Variants in AP3B1 observed in about 807,000 individuals in gnomAD.
AP3B1 encodes the protein AP-3 complex subunit beta-1.
In AP3B1, 61 loss-of-function variants were observed where a neutral mutation model predicts 132.5. That is an observed-to-expected ratio of 0.46 (90% CI 0.37 to 0.57). The LOEUF (loss-of-function observed/expected upper bound fraction) is 0.57, where lower values mean the gene tolerates loss of function less well. AP3B1 is among the 20% of genes least tolerant of loss of function. The pLI is 0.00. For missense variants in AP3B1, 1,120 were observed against 1,289.4 expected (o/e 0.87, Z 2.01); for synonymous variants, 388 against 438.3 (o/e 0.89, Z 1.43).
intron 26 of AP3B1, among the ~76,000 whole-genome samples, chr5:78,006,190 C>T (rs945672521): frequency 2.0e-5 from 3 of 152,166 alleles, no homozygotes; most frequent in East Asian, 1.9e-4. Flanking sequence ...ATGAGGCAAG[C>T]GAGGCCCAGA....
chr5:78,285,225 G>T (rs926480434), intron 1 of AP3B1, among the ~76,000 whole-genome samples: 48 of 151,230 alleles, frequency 3.2e-4, no homozygotes, highest in African/African-American at 1.0e-3. Context: ...CTCCAGCCTG[G>T]GCGACAGAGC....
At chr5:78,168,219 CT>C (rs535444476) in intron 11 of AP3B1, among the ~76,000 whole-genome samples, 31 of 142,746 alleles carry the variant, frequency 2.2e-4, no homozygotes, top group African/African-American at 8.4e-4. Context: ...CAACTTTTTT[CT>C]TTTTTCTTTT....
intron 14 of AP3B1, among the ~76,000 whole-genome samples, chr5:78,143,052 T>C (rs939435789): frequency 5.9e-5 from 9 of 152,146 alleles, no homozygotes; most frequent in African/African-American, 1.9e-4. Context: ...TAAGAATATA[T>C]GTGCAACTTC....
intron 22 of AP3B1, among the ~76,000 whole-genome samples, chr5:78,069,295 A>C (rs1265887463): frequency 6.6e-6 from 1 of 152,240 alleles, no homozygotes; most frequent in Non-Finnish European, 1.5e-5. Context: ...TCAAATAGGA[A>C]GAGAGGAAGT....
At chr5:78,098,000 G>A (rs1334132097) in intron 21 of AP3B1, among the ~76,000 whole-genome samples, 2 of 152,152 alleles carry the variant, frequency 1.3e-5, no homozygotes, top group East Asian at 3.8e-4. Context: ...TGTGCTCTCT[G>A]AAACATGTGC....
chr5:78,279,672 G>A (rs1455133939), intron 1 of AP3B1, among the ~76,000 whole-genome samples: 1 of 151,652 alleles, frequency 6.6e-6, no homozygotes, highest in Non-Finnish European at 1.5e-5. Flanking sequence ...ACTTTGGGAT[G>A]CGGAGGCAGG....
At chr5:78,172,360 C>T (rs958615767) in intron 11 of AP3B1, among the ~76,000 whole-genome samples, 2 of 152,158 alleles carry the variant, frequency 1.3e-5, no homozygotes, top group East Asian at 3.8e-4. Flanking sequence ...GCAGTGAATC[C>T]GTCTGGTCCT....
chr5:78,060,196 C>T (rs146772140), intron 22 of AP3B1, among the ~76,000 whole-genome samples: 75 of 152,110 alleles, frequency 4.9e-4, no homozygotes, highest in Middle Eastern at 3.4e-3. Context: ...AAAGTTATAC[C>T]GAGTCTCTGA....
In AP3B1 at chr5:78,197,772, A is replaced by G. The variant is rs539516817; in HGVS notation, c.787-16110T>C. On this transcript the variant is annotated intron_variant, in intron 7 of 26. Transcript: ENST00000255194. ...TGCCTACAGCAAAATATTTTTATGT[A>G]TAAAAATTGATAAAGGAATCAAACA... Among the ~76,000 whole-genome samples, 6 of 152,362 alleles carry G rather than the reference A, an allele frequency of 3.9e-5. No homozygotes were observed. In the South Asian group the frequency reaches 1.2e-3, roughly 32 times the overall value.
intron 22 of AP3B1, among the ~76,000 whole-genome samples, chr5:78,048,048 GA>G (rs1748416367): frequency 6.6e-6 from 1 of 152,218 alleles, no homozygotes; most frequent in Non-Finnish European, 1.5e-5. Context: ...ACATTCAAGG[GA>G]AACTTTTTGG....
chr5:78,134,432 T>C (rs1752820270), intron 15 of AP3B1, among the ~76,000 whole-genome samples: 1 of 152,228 alleles, frequency 6.6e-6, no homozygotes, highest in South Asian at 2.1e-4. Flanking sequence ...TTTAACAGGA[T>C]GATACAAACA....
intron 22 of AP3B1, among the ~76,000 whole-genome samples, chr5:78,044,905 A>C (rs1445559265): frequency 6.6e-6 from 1 of 152,232 alleles, no homozygotes; most frequent in African/African-American, 2.4e-5. Flanking sequence ...TTCCACATTC[A>C]ACCAAGTTCA....
chr5:78,141,061 A>C, intron 15 of AP3B1, 82 bp downstream of exon 15: 1 of 1,304,714 alleles, frequency 7.7e-7, no homozygotes, highest in Non-Finnish European at 1.1e-6. Context: ...GGTCAGACTA[A>C]TGAAGGCACA....
At chr5:78,171,460 A>G (rs1001249816) in intron 11 of AP3B1, among the ~76,000 whole-genome samples, 9 of 152,058 alleles carry the variant, frequency 5.9e-5, no homozygotes, top group Admixed American at 3.3e-4. Flanking sequence ...CATCCCTTGT[A>G]AGTTGGATTC....
intron 2 of AP3B1, among the ~76,000 whole-genome samples, chr5:78,259,647 C>A (rs1747997944): frequency 6.6e-6 from 1 of 152,112 alleles, no homozygotes; most frequent in South Asian, 2.1e-4. Context: ...AATACATACA[C>A]CTACTATGTG....
At chr5:78,194,254 T>C (rs754385863) in intron 7 of AP3B1, among the ~76,000 whole-genome samples, 4 of 152,224 alleles carry the variant, frequency 2.6e-5, no homozygotes, top group Non-Finnish European at 5.9e-5. Context: ...CTTGATATTC[T>C]GATTTCTTGT....
intron 17 of AP3B1, chr5:78,121,992 T>C (rs1423702422): frequency 2.6e-5 from 4 of 152,202 alleles, no homozygotes; most frequent in African/African-American, 4.8e-5. Flanking sequence ...AAAAAGCTTA[T>C]CCACCATGAT....
chr5:78,089,835 A>G (rs956249423), intron 21 of AP3B1, among the ~76,000 whole-genome samples: 3 of 152,172 alleles, frequency 2.0e-5, no homozygotes, highest in East Asian at 3.8e-4. Flanking sequence ...TTTCCAGACT[A>G]TCATAAGAAT....
At chr5:78,216,281 C>T (rs765175266) in intron 6 of AP3B1, 44 bp from the exon 7 acceptor site, 2 of 1,569,704 alleles carry the variant, frequency 1.3e-6, no homozygotes, top group South Asian at 1.1e-5. Flanking sequence ...ATGTTTCTCC[C>T]CTACATCAAA....
Sources: allele counts gnomAD v4.1 joint callset (sites outside exome capture counted in the v4.1 genomes callset), GRCh38; gene constraint gnomAD v4.1.1; transcripts MANE v1.5; gene names NCBI Gene and HGNC (gene_info 2026-07-23, HGNC 2026-07-21).